APPL1: variants seen among roughly 807,000 people sequenced by gnomAD.
APPL1 encodes the protein DCC-interacting protein 13-alpha.
APPL1 carries 42 observed loss-of-function variants against 106.8 expected under a neutral mutation model. The observed-to-expected ratio is 0.39, with a 90% CI of 0.31 to 0.51. The LOEUF (loss-of-function observed/expected upper bound fraction) is 0.51. Ranked by LOEUF, APPL1 falls within the 20% of genes least tolerant of loss-of-function variation. The pLI is 0.75. For missense variants in APPL1, 769 were observed against 858.2 expected (o/e 0.90, Z 1.30); for synonymous variants, 263 against 281.8 (o/e 0.93, Z 0.67).
chr3:57,246,613 G>A (rs751320067), intron 8 of APPL1, among the ~76,000 whole-genome samples: 1 of 152,114 alleles, frequency 6.6e-6, no homozygotes, highest in Non-Finnish European at 1.5e-5. Flanking sequence ...AAAAATAATA[G>A]ATGAACTCCA....
At chr3:57,267,216 A>G (rs1167960500) in intron 19 of APPL1, among the ~76,000 whole-genome samples, 1 of 152,134 alleles carries the variant, frequency 6.6e-6, no homozygotes, top group Non-Finnish European at 1.5e-5. Context: ...TTCTTATATA[A>G]TTCTAAGATT....
chr3:57,268,497 C>G lies in APPL1; in HGVS notation c.1983+10C>G. Reference sequence around the variant, plus strand: ...AAAACAGATTGAAAAGGTATACAGTCCTAATGTCTGGATCTTTATGTGTTG... The same window carrying G: ...AAAACAGATTGAAAAGGTATACAGTGCTAATGTCTGGATCTTTATGTGTTG... On this transcript the variant is annotated intron_variant, in intron 21 of 21. Transcript: ENST00000288266. The G allele has an allele frequency of 6.3e-7, 1 of 1,580,136 alleles. No homozygotes were observed. The highest frequency in any genetic ancestry group is 8.6e-7 in the Non-Finnish European group (1 of 1,167,686).
chr3:57,229,625 C>A (rs1248962294), intron 1 of APPL1, among the ~76,000 whole-genome samples: 1 of 148,632 alleles, frequency 6.7e-6, no homozygotes, highest in Non-Finnish European at 1.5e-5. Flanking sequence ...TGTCCTGGAA[C>A]ACCTATGCTG....
At chr3:57,233,918 C>CA (rs1262402262) in intron 1 of APPL1, among the ~76,000 whole-genome samples, 9 of 151,896 alleles carry the variant, frequency 5.9e-5, no homozygotes, top group Admixed American at 4.6e-4. Flanking sequence ...CCTGTCACTA[C>CA]AAAAAATAGA....
At chr3:57,259,324 A>T (rs2060853300) in intron 16 of APPL1, among the ~76,000 whole-genome samples, 1 of 152,220 alleles carries the variant, frequency 6.6e-6, no homozygotes, top group African/African-American at 2.4e-5. Flanking sequence ...AGTGCCTAAG[A>T]TACCTTTCAA....
intron 10 of APPL1, among the ~76,000 whole-genome samples, 170 bp downstream of exon 10, chr3:57,248,521 T>C (rs1223095799): frequency 6.6e-6 from 1 of 152,198 alleles, no homozygotes; most frequent in Non-Finnish European, 1.5e-5. Flanking sequence ...CATGAATACT[T>C]TTCAGAAGTA....
chr3:57,261,917 T>C (rs557077209), intron 19 of APPL1, among the ~76,000 whole-genome samples: 3 of 152,286 alleles, frequency 2.0e-5, no homozygotes, highest in East Asian at 3.9e-4. Context: ...TTTTCTGCAT[T>C]TCACCAACAT....
intron 19 of APPL1, among the ~76,000 whole-genome samples, chr3:57,262,742 C>G (rs1458572168): frequency 6.6e-6 from 1 of 151,586 alleles, no homozygotes; most frequent in East Asian, 1.9e-4. Context: ...CAAAGTTTCT[C>G]AAGAGACTAA....
intron 19 of APPL1, among the ~76,000 whole-genome samples, chr3:57,267,107 GTTATT>G (rs1186099629): frequency 6.6e-6 from 1 of 152,152 alleles, no homozygotes; most frequent in African/African-American, 2.4e-5. Context: ...GGGCAATATG[GTTATT>G]TTAACTATAT....
intron 4 of APPL1, 197 bp downstream of exon 4, chr3:57,238,313 A>C (rs2060727064): frequency 2.0e-6 from 1 of 498,396 alleles, no homozygotes; most frequent in Non-Finnish European, 3.5e-6. Flanking sequence ...ATAAACTTAC[A>C]GATGTGCTTC....
chr3:57,252,615 A>G (rs944672945), intron 12 of APPL1, among the ~76,000 whole-genome samples: 5 of 152,146 alleles, frequency 3.3e-5, no homozygotes, highest in Non-Finnish European at 7.4e-5. Context: ...TGACAGTTTA[A>G]TTTATTCCCT....
At chr3:57,265,732 A>G (rs2107611670) in intron 19 of APPL1, among the ~76,000 whole-genome samples, 1 of 152,302 alleles carries the variant, frequency 6.6e-6, no homozygotes, top group Admixed American at 6.5e-5. Flanking sequence ...TACAATTTGG[A>G]TGCCTTTTTT....
chr3:57,240,351 T>C lies in APPL1; in HGVS notation c.286-114T>C. On this transcript the variant is annotated intron_variant, in intron 4 of 21. Coordinates refer to ENST00000288266, the MANE Select transcript of APPL1 (RefSeq NM_012096.3). ...GTACTATATCACATAATTTTTAGTG[T>C]TTTCCTATATAAAATATATCAGAAC... 3 of 775,862 alleles carry C rather than the reference T, an allele frequency of 3.9e-6. No homozygotes were observed. In the South Asian group the frequency reaches 5.2e-5, roughly 13 times the overall value. 48.1% of individuals were successfully genotyped at this position (775,862 alleles called of 1,614,324 possible).
At chr3:57,267,617 T>C in intron 19 of APPL1, 125 bp from the exon 20 acceptor site, 1 of 782,378 alleles carries the variant, frequency 1.3e-6, no homozygotes. Context: ...TTCTTAAATA[T>C]GCTTTTGCTT....
intron 5 of APPL1, 132 bp downstream of exon 5, chr3:57,240,684 T>G: frequency 1.4e-6 from 1 of 703,382 alleles, no homozygotes; most frequent in Non-Finnish European, 2.4e-6. Flanking sequence ...TTACCAAACA[T>G]TTATAGGAGC....
chr3:57,265,475 C>G (rs1273616185), intron 19 of APPL1, among the ~76,000 whole-genome samples: 3 of 152,024 alleles, frequency 2.0e-5, no homozygotes, highest in Non-Finnish European at 2.9e-5. Context: ...AGAGATCTTT[C>G]ACTTTGGTTA....
rs978659273 is a variant in APPL1, at chr3:57,273,048, A to G, written c.*3361A>G. ...CTCCCATGAGATTTTGTCTTTCTAC[A>G]TTAACTAGTAAGACATAAAGATTTG... On this transcript the variant is annotated 3_prime_UTR_variant, in exon 22 of 22. Transcript: ENST00000288266. 6.6e-6 allele frequency: 1 copy of G among 152,650 alleles called. No individual in the cohort carries two copies. The highest frequency in any genetic ancestry group is 2.4e-5 in the African/African-American group (1 of 41,456). The allele number at this position is 152,650 out of a possible 1,614,324, so 9.5% of individuals were successfully genotyped here.
Position 57,227,935 on chromosome 3 carries a change from C to A in APPL1, c.52C>A (p.Gln18Lys). Residue 18 changes from glutamine to lysine, a missense_variant and splice_region_variant, in exon 1 of 22, where the codon CAG becomes AAG. By Grantham distance (53) the Gln-to-Lys change is moderately conservative. Coordinates refer to ENST00000288266, the MANE Select transcript of APPL1 (RefSeq NM_012096.3). ...PIEETLEDSP[Q>K]TRSLLGVFEE... ...CGAGGAGACGCTGGAGGACAGCCCG[C>A]AGGTGAGGCGCGGGAGCTGGTGGGC... 1 of 1,444,380 alleles carries A rather than the reference C, an allele frequency of 6.9e-7. No individual in the cohort carries two copies. Among genetic ancestry groups the A allele is most frequent in the Non-Finnish European group, 9.2e-7 (1 of 1,091,306 alleles). The allele number at this position is 1,444,380 out of a possible 1,614,324, so 89.5% of individuals were successfully genotyped here. A position where few individuals can be genotyped will look rare whatever the true frequency, so the allele number is the denominator to read the frequency against.
At chr3:57,234,414 C>T (rs958756611) in intron 1 of APPL1, among the ~76,000 whole-genome samples, 16 of 151,066 alleles carry the variant, frequency 1.1e-4, no homozygotes, top group African/African-American at 3.4e-4. Context: ...TCTCCTGCCT[C>T]AGCCTCCTGA....
Sources: gnomAD v4.1 joint callset for allele counts (sites outside exome capture counted in the v4.1 genomes callset) on GRCh38, gnomAD v4.1.1 for gene constraint, MANE v1.5 for transcripts, NCBI Gene and HGNC (gene_info 2026-07-23, HGNC 2026-07-21) for gene names.